The following HMCN1 variants were observed in gnomAD, a reference collection of about 807,000 sequenced individuals.
The protein encoded by HMCN1 is hemicentin 1.
A neutral mutation model predicts 625.9 loss-of-function variants in HMCN1; 321 were observed. The ratio of observed to expected loss-of-function variants is 0.51; its 90% CI spans 0.47 to 0.56. The LOEUF is 0.56. Among genes scored for constraint, HMCN1 ranks in the 20% least tolerant of loss-of-function variants. The pLI is 0.00. For synonymous variants in HMCN1, 2,425 were observed against 2,417.6 expected, an observed-to-expected ratio of 1.00 and a Z score of -0.09; for missense variants, 6,588 against 6,887.3, an observed-to-expected ratio of 0.96 and a Z score of 1.54.
chr1:185,849,956 T>A (rs1467443054), intron 2 of HMCN1, among the ~76,000 whole-genome samples: 3 of 150,950 alleles, frequency 2.0e-5, no homozygotes, highest in African/African-American at 5.0e-5. Flanking sequence ...ACTTTGGATG[T>A]CCAAATTCTC....
rs778952756 is a variant in HMCN1 at position 186,087,463 on chromosome 1, C to T, written c.9181C>T (p.His3061Tyr). ...CTCAGTGCCCCCAAGCATTAAAGAC[C>T]ATGACAGTGAATCTCTTTCTGTAGT... ...TVYVPPSIKD[H>Y]DSESLSVVNV... Residue 3061 changes from histidine to tyrosine, a missense_variant, in exon 60 of 107, where the codon CAT (histidine) becomes TAT (tyrosine). Physicochemically the swap from His to Tyr is moderately conservative, Grantham distance 83. Around this residue, in one of 3 missense-constraint regions of HMCN1, gnomAD observed 4,628 missense variants for 4,853.1 expected, o/e 0.95. Coordinates refer to ENST00000271588, the MANE Select transcript of HMCN1 (RefSeq NM_031935.3). 3 of 1,613,042 alleles carry T rather than the reference C, an allele frequency of 1.9e-6. No homozygotes were observed. Among genetic ancestry groups the T allele is most frequent in the South Asian group, 1.1e-5 (1 of 91,054 alleles).
chr1:186,053,129 G>C, intron 43 of HMCN1, 55 bp downstream of exon 43: 1 of 1,487,888 alleles, frequency 6.7e-7, no homozygotes. Flanking sequence ...GATGGATATT[G>C]ATTTCGTTTA....
In HMCN1 at chr1:186,000,121, G is replaced by A. The variant is rs1653075786; in HGVS notation, c.3951G>A (p.Leu1317=). 1 of 1,612,952 alleles carries A rather than the reference G, an allele frequency of 6.2e-7. No individual in the cohort carries two copies. Among genetic ancestry groups the A allele is most frequent in the Non-Finnish European group, 8.5e-7 (1 of 1,179,320 alleles). Reference sequence around the variant, plus strand: ...GCAGAGAGCCTGGCATTTCTATCTTGGAAGATGGCACATTGCTGGTTATTG... The same window carrying A: ...GCAGAGAGCCTGGCATTTCTATCTTAGAAGATGGCACATTGCTGGTTATTG... ...LTGREPGISI[L]EDGTLLVIAS... is the part of the protein sequence containing the mutation. Residue 1317 remains leucine, a synonymous_variant, in exon 26 of 107, where the codon TTG becomes TTA. Transcript: ENST00000271588.
rs551777398 is a variant in HMCN1, at chr1:185,781,883, A to G, written c.268+46836A>G. The stretch of plus-strand genomic sequence containing the variant: ...TTAGGTCTGCTTGGTGCAGAGCCGA[A>G]TTCAATTCCTGGATATCCTTGTTAA... On this transcript the variant is annotated intron_variant, in intron 1 of 106. Transcript: ENST00000271588. Among the ~76,000 whole-genome samples, 6 of 152,264 alleles carry G rather than the reference A, an allele frequency of 3.9e-5. No individual in the cohort carries two copies. The East Asian group carries it at 7.7e-4, about 20-fold the overall frequency.
chr1:185,975,738 C>T (rs749447955), intron 15 of HMCN1, among the ~76,000 whole-genome samples: 8 of 152,012 alleles, frequency 5.3e-5, no homozygotes, highest in South Asian at 2.1e-4. Flanking sequence ...CACTGATACA[C>T]GATTTATTTA....
intron 103 of HMCN1, among the ~76,000 whole-genome samples, chr1:186,175,155 G>C (rs1016744993): frequency 1.3e-5 from 2 of 152,018 alleles, no homozygotes; most frequent in African/African-American, 4.8e-5. Context: ...CTCCCCAGTT[G>C]CCTGTTTGTT....
rs1006976849 is a variant in HMCN1 at position 186,125,590 on chromosome 1, T to A, written c.12500-14T>A. ...CTCAGCTTCCTGGATGACTCTTTTT[T>A]AAACTCTTCATAGTACCACCCAGGA... On this transcript the variant is annotated splice_polypyrimidine_tract_variant and intron_variant, in intron 81 of 106. Coordinates refer to ENST00000271588, the MANE Select transcript of HMCN1 (RefSeq NM_031935.3). 2 of 1,604,846 alleles carry A rather than the reference T, an allele frequency of 1.2e-6. No homozygotes were observed. Among genetic ancestry groups the A allele is most frequent in the Non-Finnish European group, 1.7e-6 (2 of 1,171,624 alleles).
intron 64 of HMCN1, 32 bp downstream of exon 64, chr1:186,090,949 T>C (rs374202376): frequency 1.3e-6 from 2 of 1,595,026 alleles, no homozygotes; most frequent in Middle Eastern, 1.7e-4. Context: ...CCATTATAAA[T>C]TGTAAGCCCT....
rs147401577 is a variant in HMCN1, at chr1:186,062,381, G to A, written c.7427-133G>A. ...ATCAAAATAATATTATGACATTCTAGCAATCAAATAATGAATGTGGATTGG... is the reference window on the plus strand; with the variant it reads ...ATCAAAATAATATTATGACATTCTAACAATCAAATAATGAATGTGGATTGG... On this transcript the variant is annotated intron_variant, in intron 47 of 106. Transcript: ENST00000271588. The A allele has an allele frequency of 2.6e-4, 178 of 685,890 alleles. No homozygotes were observed. In the African/African-American group the frequency reaches 2.8e-3, roughly 11 times the overall value. The allele number at this position is 685,890 out of a possible 1,614,324, so 42.5% of individuals were successfully genotyped here.
At chr1:185,934,180 CT>C (rs1235831615) in intron 11 of HMCN1, among the ~76,000 whole-genome samples, 1 of 152,024 alleles carries the variant, frequency 6.6e-6, no homozygotes, top group Non-Finnish European at 1.5e-5. Flanking sequence ...AAAACAATTT[CT>C]TCCCAATTTA....
At chr1:186,168,539 A>G (rs1460657817) in intron 100 of HMCN1, among the ~76,000 whole-genome samples, 1 of 127,102 alleles carries the variant, frequency 7.9e-6, no homozygotes, top group Non-Finnish European at 1.7e-5. Context: ...AAAAGATGTC[A>G]AATAGAAAAC....
chr1:186,140,271 T>C (rs1281691737), intron 89 of HMCN1, among the ~76,000 whole-genome samples: 1 of 151,318 alleles, frequency 6.6e-6, no homozygotes, highest in Non-Finnish European at 1.5e-5. Flanking sequence ...ACACTTGTAC[T>C]TATTTGTTGT....
chr1:185,751,732 C>T (rs756496946), intron 1 of HMCN1, among the ~76,000 whole-genome samples: 30 of 152,034 alleles, frequency 2.0e-4, no homozygotes, highest in African/African-American at 5.1e-4. Flanking sequence ...ATCTTTCATA[C>T]GTTTCTCTTC....
chr1:186,182,302 G>C lies in HMCN1; in HGVS notation c.16414+15G>C. 1 of 1,612,872 alleles carries C rather than the reference G, an allele frequency of 6.2e-7. No homozygotes were observed. Among genetic ancestry groups the C allele is most frequent in the Non-Finnish European group, 8.5e-7 (1 of 1,179,144 alleles). On this transcript the variant is annotated intron_variant, in intron 105 of 106. Coordinates refer to ENST00000271588, the MANE Select transcript of HMCN1 (RefSeq NM_031935.3). ...GACATGCCAAGGTGAGAAAACATTG[G>C]GATGTTTATTGTTGCAAACTTGACT...
intron 36 of HMCN1, among the ~76,000 whole-genome samples, chr1:186,030,108 A>G (rs1655325562): frequency 6.6e-6 from 1 of 152,104 alleles, no homozygotes; most frequent in South Asian, 2.1e-4. Context: ...AAATGTATCA[A>G]GAGTTGTCTT....
At chr1:185,807,413 A>G (rs1209374261) in intron 1 of HMCN1, among the ~76,000 whole-genome samples, 1 of 152,240 alleles carries the variant, frequency 6.6e-6, no homozygotes, top group Non-Finnish European at 1.5e-5. Context: ...TGAGGAAAGC[A>G]AACTAGCATA....
intron 71 of HMCN1, among the ~76,000 whole-genome samples, chr1:186,112,383 T>C (rs1469640677): frequency 6.6e-6 from 1 of 152,252 alleles, no homozygotes; most frequent in Non-Finnish European, 1.5e-5. Context: ...ATCTGTCCTT[T>C]ATCTGAATGA....
intron 81 of HMCN1, among the ~76,000 whole-genome samples, chr1:186,124,098 C>A (rs1661527870): frequency 6.6e-6 from 1 of 152,008 alleles, no homozygotes; most frequent in Non-Finnish European, 1.5e-5. Flanking sequence ...ATAAATAATA[C>A]TCCTTCTTCT....
intron 1 of HMCN1, among the ~76,000 whole-genome samples, chr1:185,819,458 C>T (rs1660053236): frequency 6.6e-6 from 1 of 152,118 alleles, no homozygotes; most frequent in Admixed American, 6.5e-5. Context: ...TATTACATTT[C>T]CTCATTGTCC....
Sources: gnomAD v4.1 joint callset for allele counts (sites outside exome capture counted in the v4.1 genomes callset) on GRCh38, gnomAD v4.1.1 for gene constraint, gnomAD v4.1.1 regional missense constraint, MANE v1.5 for transcripts, NCBI Gene and HGNC (gene_info 2026-07-23, HGNC 2026-07-21) for gene names.